The following INTU variants were observed in gnomAD, a reference collection of about 807,000 sequenced individuals.
The protein encoded by INTU is inturned planar cell polarity protein, also known as protein inturned.
In INTU, 68 loss-of-function variants were observed where a neutral mutation model predicts 100.5. The observed-to-expected ratio is 0.68, with a 90% CI of 0.56 to 0.83. The LOEUF (loss-of-function observed/expected upper bound fraction) is 0.83, where lower values mean the gene tolerates loss of function less well. Ranked by LOEUF, INTU falls within the 40% of genes least tolerant of loss-of-function variation. The pLI, the probability that INTU is intolerant of heterozygous loss-of-function variation, is 0.00. For synonymous variants in INTU, 357 were observed against 395.7 expected (o/e 0.90, Z 1.16); for missense variants, 1,071 against 1,114.7 (o/e 0.96, Z 0.56).
Position 127,705,659 on chromosome 4 carries a change from T to C in INTU, c.1635T>C (p.Tyr545=). ...LIDIAVYCRH[Y]CLLPLAAKQR... is the part of the protein sequence containing the mutation. ...ATATTGCCGTATACTGTCGCCACTA[T>C]TGCCTGCTGCCTTTAGCAGCAAAAC... Residue 545 remains tyrosine (Y), a synonymous_variant, in exon 11 of 16, where the codon TAT becomes TAC. Transcript: ENST00000335251. The C allele has an allele frequency of 6.2e-7, 1 of 1,614,038 alleles. No individual in the cohort carries two copies. The highest frequency in any genetic ancestry group is 1.1e-5 in the South Asian group (1 of 91,084).
intron 6 of INTU, among the ~76,000 whole-genome samples, chr4:127,678,079 C>T (rs1329035097): frequency 1.3e-5 from 2 of 152,120 alleles, no homozygotes; most frequent in Non-Finnish European, 2.9e-5. Flanking sequence ...CAAACAAAGC[C>T]TCCAAGAAAT....
intron 6 of INTU, among the ~76,000 whole-genome samples, chr4:127,678,528 A>G (rs1363984567): frequency 4.6e-5 from 7 of 152,184 alleles, no homozygotes; most frequent in Admixed American, 4.6e-4. Context: ...GAGAAATAAA[A>G]TACTTCACAG....
Position 127,708,649 on chromosome 4 carries a change from GA to G in INTU, c.2353del (p.Ile785TyrfsTer5). The G allele has an allele frequency of 1.3e-6, 2 of 1,567,780 alleles. No individual in the cohort carries two copies. Among genetic ancestry groups the G allele is most frequent in the Non-Finnish European group, 1.8e-6 (2 of 1,141,984 alleles). ...LKKDLPEKEL[E>X]IYNTVKLTSG... Reference sequence around the variant, plus strand: ...AAAGGACCTTCCAGAAAAAGAATTAGAAATATATAACACAGTGAAGTAAGAA... The same window carrying G: ...AAAGGACCTTCCAGAAAAAGAATTAGAATATATAACACAGTGAAGTAAGAA... On this transcript the variant is annotated frameshift_variant, in exon 13 of 16. Transcript: ENST00000335251. LOFTEE classifies it high-confidence loss of function.
chr4:127,650,833 A>G (rs1180530284), intron 2 of INTU, among the ~76,000 whole-genome samples: 3 of 152,014 alleles, frequency 2.0e-5, no homozygotes, highest in Non-Finnish European at 4.4e-5. Flanking sequence ...TTACAGTCCC[A>G]CCAACAGTGT....
chr4:127,696,768 T>A (rs1335580226), intron 8 of INTU, among the ~76,000 whole-genome samples: 4 of 152,130 alleles, frequency 2.6e-5, no homozygotes, highest in African/African-American at 9.7e-5. Context: ...AATAGAAACT[T>A]GGATTATTGA....
chr4:127,707,210 G>T (rs1423900073), intron 12 of INTU, among the ~76,000 whole-genome samples: 2 of 151,850 alleles, frequency 1.3e-5, no homozygotes, highest in African/African-American at 4.8e-5. Context: ...GCAAAACCCA[G>T]TCTCTAATAA....
intron 6 of INTU, among the ~76,000 whole-genome samples, chr4:127,678,423 C>G (rs1410016213): frequency 6.6e-6 from 1 of 152,188 alleles, no homozygotes; most frequent in Non-Finnish European, 1.5e-5. Context: ...CCCTACAAGC[C>G]AGAAGAGACT....
At chr4:127,663,701 CA>C (rs1728577912) in intron 4 of INTU, 117 bp downstream of exon 4, 1 of 712,516 alleles carries the variant, frequency 1.4e-6, no homozygotes, top group Non-Finnish European at 2.3e-6. Context: ...AAGCAAGAGA[CA>C]AAAATGAATT....
At chr4:127,640,063 A>G (rs558061761) in intron 1 of INTU, among the ~76,000 whole-genome samples, 2 of 152,240 alleles carry the variant, frequency 1.3e-5, no homozygotes, top group Admixed American at 6.5e-5. Context: ...ATCATTAGAG[A>G]CACCTTCATT....
chr4:127,714,526 C>T (rs928382979), intron 15 of INTU, among the ~76,000 whole-genome samples: 8 of 152,216 alleles, frequency 5.3e-5, no homozygotes, highest in South Asian at 2.1e-4. Context: ...ACCAGCTGCA[C>T]GAGCACCAAT....
At chr4:127,708,320 A>G (rs973552293) in intron 12 of INTU, among the ~76,000 whole-genome samples, 6 of 152,162 alleles carry the variant, frequency 3.9e-5, no homozygotes, top group African/African-American at 1.2e-4. Flanking sequence ...ACAAGTATGC[A>G]TACATACAAA....
At chr4:127,662,935 A>C (rs1728535158) in intron 3 of INTU, among the ~76,000 whole-genome samples, 1 of 152,160 alleles carries the variant, frequency 6.6e-6, no homozygotes, top group African/African-American at 2.4e-5. Context: ...AGGAGAGTTA[A>C]CTTTGGTTGT....
In INTU at chr4:127,722,019, A is replaced by G. The variant is rs1731353100; in HGVS notation, c.*5583A>G. 6.6e-6 allele frequency: 1 copy of G among 152,172 alleles called. No homozygotes were observed. The highest frequency in any genetic ancestry group is 6.5e-5 in the Admixed American group (1 of 15,274). The allele number at this position is 152,172 out of a possible 1,614,324, so 9.4% of individuals were successfully genotyped here. On this transcript the variant is annotated 3_prime_UTR_variant, in exon 16 of 16. Coordinates refer to ENST00000335251, the MANE Select transcript of INTU (RefSeq NM_015693.4). ...GTGCCCTTGCTAGAGACATGTTGCA[A>G]TCTTTTGGAGGAGAAGAGGCACTCT...
chr4:127,668,802 T>G (rs1288836313), intron 4 of INTU, among the ~76,000 whole-genome samples: 1 of 151,890 alleles, frequency 6.6e-6, no homozygotes, highest in African/African-American at 2.4e-5. Flanking sequence ...AGTATATTAT[T>G]TGTTATTATG....
chr4:127,633,510 G>T (rs537297398), intron 1 of INTU, among the ~76,000 whole-genome samples: 9 of 152,186 alleles, frequency 5.9e-5, no homozygotes, highest in Non-Finnish European at 1.3e-4. Flanking sequence ...ACTCTGTTTC[G>T]ATCGCAGTGT....
intron 8 of INTU, 85 bp downstream of exon 8, chr4:127,687,952 T>G (rs1334632647): frequency 1.0e-6 from 1 of 968,968 alleles, no homozygotes; most frequent in African/African-American, 1.7e-5. Context: ...AGACTTTTTG[T>G]TATTTTTGGA....
At chr4:127,657,744 C>A (rs557196663) in intron 3 of INTU, among the ~76,000 whole-genome samples, 17 of 151,778 alleles carry the variant, frequency 1.1e-4, no homozygotes, top group Non-Finnish European at 2.1e-4. Context: ...TCTCCCATCA[C>A]CCCCAGATGG....
At chr4:127,687,560 A>C in intron 7 of INTU, 118 bp from the exon 8 acceptor site, 1 of 728,698 alleles carries the variant, frequency 1.4e-6, no homozygotes, top group Non-Finnish European at 2.3e-6. Flanking sequence ...TATTGAAGGA[A>C]GAGAGGAGTG....
intron 9 of INTU, 150 bp downstream of exon 9, chr4:127,700,213 G>A (rs1730589186): frequency 4.9e-6 from 3 of 608,492 alleles, no homozygotes; most frequent in Admixed American, 3.5e-5. Context: ...TATTTTGCTT[G>A]CCTTAGGATT....
Sources: gnomAD v4.1 joint callset for allele counts (sites outside exome capture counted in the v4.1 genomes callset) on GRCh38, gnomAD v4.1.1 for gene constraint, MANE v1.5 for transcripts, NCBI Gene and HGNC (gene_info 2026-07-23, HGNC 2026-07-21) for gene names.